The following PTPN12 variants were observed in gnomAD, a reference collection of about 807,000 sequenced individuals.
The protein encoded by PTPN12 is tyrosine-protein phosphatase non-receptor type 12.
PTPN12 carries 29 observed loss-of-function variants against 97.6 expected under a neutral mutation model. The ratio of observed to expected loss-of-function variants is 0.30; its 90% CI spans 0.22 to 0.41. The LOEUF is 0.41. Ranked by LOEUF, PTPN12 falls within the 10% of genes least tolerant of loss-of-function variation. PTPN12 has a pLI of 1.00. For missense variants in PTPN12, 819 were observed against 926.0 expected, an observed-to-expected ratio of 0.88 and a Z score of 1.50; for synonymous variants, 327 against 300.4, an observed-to-expected ratio of 1.09 and a Z score of -0.91.
intron 7 of PTPN12, 123 bp from the exon 8 acceptor site, chr7:77,600,541 G>C: frequency 1.3e-6 from 1 of 765,464 alleles, no homozygotes; most frequent in Non-Finnish European, 2.0e-6. Context: ...ATTTATTTGG[G>C]TTTTTTTAAA....
intron 4 of PTPN12, chr7:77,583,852 T>C (rs1584145038): frequency 2.4e-6 from 1 of 416,500 alleles, no homozygotes; most frequent in East Asian, 4.4e-5. Flanking sequence ...TAAGAAGGTG[T>C]GATAATAATT....
rs1372785339 is a variant in PTPN12 at position 77,573,098 on chromosome 7, AAAAAAAC to A, written c.208+1919_208+1925del. On this transcript the variant is annotated intron_variant, in intron 2 of 17. Coordinates refer to ENST00000248594, the MANE Select transcript of PTPN12 (RefSeq NM_002835.4). ...ACTCTATCTCAAAAAAAAAAAAAACAAAAAAACAAAAAAAACCAGTGTACCTAGCACA... is the reference window on the plus strand; with the variant it reads ...ACTCTATCTCAAAAAAAAAAAAAACAAAAAAAAACCAGTGTACCTAGCACA... Among the ~76,000 whole-genome samples, 34 of 39,298 alleles carry A rather than the reference AAAAAAAC, an allele frequency of 8.7e-4. 11 individuals are homozygous for A. The highest frequency in any genetic ancestry group is 7.8e-3 in the African/African-American group (33 of 4,218). 25.8% of individuals were successfully genotyped at this position (39,298 alleles called of 152,430 possible). A position where few individuals can be genotyped will look rare whatever the true frequency, so the allele number is the denominator to read the frequency against.
chr7:77,621,327 G>T (rs1476166439), intron 12 of PTPN12, among the ~76,000 whole-genome samples: 1 of 151,984 alleles, frequency 6.6e-6, no homozygotes, highest in Non-Finnish European at 1.5e-5. Context: ...GCCTGAAGCT[G>T]TTTAACAGTT....
At chr7:77,579,498 T>C (rs1787445255) in intron 2 of PTPN12, among the ~76,000 whole-genome samples, 1 of 152,214 alleles carries the variant, frequency 6.6e-6, no homozygotes, top group South Asian at 2.1e-4. Flanking sequence ...TATAGTCTTG[T>C]TTAATTAATA....
At chr7:77,624,504 A>G (rs1488202005) in intron 12 of PTPN12, among the ~76,000 whole-genome samples, 1 of 151,874 alleles carries the variant, frequency 6.6e-6, no homozygotes, top group Admixed American at 6.6e-5. Flanking sequence ...CAGTGGCGTG[A>G]TCTCAGCTCA....
At chr7:77,633,785 G>A (rs1052853515) in intron 14 of PTPN12, among the ~76,000 whole-genome samples, 1 of 152,046 alleles carries the variant, frequency 6.6e-6, no homozygotes, top group Non-Finnish European at 1.5e-5. Context: ...CACTTTGGGA[G>A]TCCAAGGCGC....
At chr7:77,612,282 AGTTTTAT>A (rs1220638301) in intron 11 of PTPN12, among the ~76,000 whole-genome samples, 1 of 152,144 alleles carries the variant, frequency 6.6e-6, no homozygotes, top group Non-Finnish European at 1.5e-5. Context: ...CACGTTTTTA[AGTTTTAT>A]GTGACATCGT....
rs552090521 is a variant in PTPN12 at position 77,598,997 on chromosome 7, ATAAT to A, written c.552+1101_552+1104del. Among the ~76,000 whole-genome samples, 25 of 151,058 alleles carry A rather than the reference ATAAT, an allele frequency of 1.7e-4. No individual in the cohort carries two copies. The South Asian group carries it at 3.3e-3, about 20-fold the overall frequency. ...TAAATAGTATACTATGTTATTTAAC[ATAAT>A]TAATGAAATTTGGTAATTTTTTAGT... On this transcript the variant is annotated intron_variant, in intron 7 of 17. Coordinates refer to ENST00000248594, the MANE Select transcript of PTPN12 (RefSeq NM_002835.4).
intron 14 of PTPN12, 120 bp downstream of exon 14, chr7:77,632,545 T>C: frequency 1.4e-6 from 1 of 728,634 alleles, no homozygotes; most frequent in South Asian, 1.8e-5. Flanking sequence ...ACAAGTAAAT[T>C]GATGTTGACA....
intron 6 of PTPN12, among the ~76,000 whole-genome samples, chr7:77,592,865 A>G (rs1787910105): frequency 2.0e-5 from 3 of 152,216 alleles, no homozygotes. Context: ...AAATAGGAGT[A>G]GGAAAAAGAA....
intron 14 of PTPN12, among the ~76,000 whole-genome samples, chr7:77,634,279 C>T (rs1220119532): frequency 6.6e-6 from 1 of 152,040 alleles, no homozygotes; most frequent in African/African-American, 2.4e-5. Flanking sequence ...ATACTTCTCC[C>T]TATTAATCCT....
chr7:77,616,376 T>A (rs1194764671), intron 11 of PTPN12, among the ~76,000 whole-genome samples: 1 of 152,224 alleles, frequency 6.6e-6, no homozygotes, highest in African/African-American at 2.4e-5. Flanking sequence ...CTGGGGATTT[T>A]ACCAGACTAC....
At chr7:77,569,367 A>T (rs1808381942) in intron 1 of PTPN12, among the ~76,000 whole-genome samples, 1 of 152,208 alleles carries the variant, frequency 6.6e-6, no homozygotes, top group Non-Finnish European at 1.5e-5. Flanking sequence ...ATATATAAAA[A>T]GCTAACTCAT....
rs763268073 is a variant in PTPN12, at chr7:77,590,873, TA to T, written c.421-1298del. 3.3e-3 allele frequency among the ~76,000 whole-genome samples: 471 copies of T among 141,622 alleles called. 1 individual carries two copies. Among genetic ancestry groups the T allele is most frequent in the Middle Eastern group, 7.6e-3 (2 of 264 alleles). The allele number at this position is 141,622 out of a possible 152,430, so 92.9% of individuals were successfully genotyped here. A position where few individuals can be genotyped will look rare whatever the true frequency, so the allele number is the denominator to read the frequency against. On this transcript the variant is annotated intron_variant, in intron 5 of 17. Coordinates refer to ENST00000248594, the MANE Select transcript of PTPN12 (RefSeq NM_002835.4). ...GCCACCACGCCCGGCCTCCATCTAT[TA>T]AAAAAAAAAAAAATTAGCCGGTTGT...
At chr7:77,634,899 G>A (rs1789535423) in intron 14 of PTPN12, among the ~76,000 whole-genome samples, 1 of 151,904 alleles carries the variant, frequency 6.6e-6, no homozygotes, top group Admixed American at 6.6e-5. Flanking sequence ...ATTTCGAGTT[G>A]GAGTTCCACT....
At position 77,611,030 on chromosome 7, in the gene PTPN12, A is replaced by G. The variant is rs768250998; in HGVS notation, c.923A>G (p.Lys308Arg). 6.2e-7 allele frequency: 1 copy of G among 1,612,376 alleles called. No homozygotes were observed. The highest frequency in any genetic ancestry group is 2.2e-5 in the East Asian group (1 of 44,740). ...LQLYEIHGAQ[K>R]IADGVNEINT... ...CTATATGAAATTCATGGAGCTCAGA[A>G]AATTGCTGATGGAGTGGTAGGTGTT... is the stretch of plus-strand genomic sequence containing the variant. The change falls in exon 11 of 18, where the codon AAA becomes AGA. Residue 308 changes from lysine (K) to arginine (R), a missense_variant. By Grantham distance (26) the Lys-to-Arg change is conservative. This residue lies in a region of PTPN12 where 607 missense variants were observed against 577.3 expected (regional missense o/e 1.05). Coordinates refer to ENST00000248594, the MANE Select transcript of PTPN12 (RefSeq NM_002835.4).
At chr7:77,571,707 A>G (rs373631696) in intron 2 of PTPN12, among the ~76,000 whole-genome samples, 1 of 146,046 alleles carries the variant, frequency 6.8e-6, no homozygotes, top group African/African-American at 2.4e-5. Flanking sequence ...TTATTTATTT[A>G]TTTATTTATT....
chr7:77,601,079 CAT>C (rs1215017370), intron 8 of PTPN12: 1 of 268,532 alleles, frequency 3.7e-6, no homozygotes, highest in Non-Finnish European at 7.0e-6. Flanking sequence ...CTGATTAGAG[CAT>C]ATAATCTCAG....
At chr7:77,559,374 G>A (rs1394245620) in intron 1 of PTPN12, among the ~76,000 whole-genome samples, 3 of 152,102 alleles carry the variant, frequency 2.0e-5, no homozygotes, top group Non-Finnish European at 4.4e-5. Context: ...GTGATATGTT[G>A]GATCAGTTGA....
Sources: allele counts gnomAD v4.1 joint callset (sites outside exome capture counted in the v4.1 genomes callset), GRCh38; gene constraint gnomAD v4.1.1; regional missense constraint gnomAD v4.1.1; transcripts MANE v1.5; gene names NCBI Gene and HGNC (gene_info 2026-07-23, HGNC 2026-07-21).